Variants in NCKAP5 observed in about 807,000 individuals in gnomAD.
NCKAP5 encodes NCK associated protein 5.
Under a neutral mutation model 167.0 loss-of-function variants are expected in NCKAP5, and 92 were observed. The observed-to-expected ratio is 0.55, with a 90% CI of 0.47 to 0.66. The LOEUF is 0.66. Among genes scored for constraint, NCKAP5 ranks in the 30% least tolerant of loss-of-function variants. The probability of loss-of-function intolerance (pLI) is 0.00; values close to 1 mark genes in which losing one functional copy is unlikely to be tolerated. For synonymous variants in NCKAP5, 891 were observed against 877.4 expected, an observed-to-expected ratio of 1.02 and a Z score of -0.27; for missense variants, 2,378 against 2,315.0, an observed-to-expected ratio of 1.03 and a Z score of -0.56.
intron 12 of NCKAP5, among the ~76,000 whole-genome samples, chr2:132,791,950 G>T (rs113457913): frequency 6.6e-6 from 1 of 152,122 alleles, no homozygotes; most frequent in African/African-American, 2.4e-5. Context: ...AGATGTTGGG[G>T]TAAGATGACA....
chr2:132,900,757 T>C (rs1199523295), intron 8 of NCKAP5, among the ~76,000 whole-genome samples: 2 of 151,888 alleles, frequency 1.3e-5, no homozygotes, highest in Non-Finnish European at 1.5e-5. Flanking sequence ...GAACACCAGA[T>C]TGAGACCAGC....
chr2:133,378,091 G>T (rs1345211669), intron 3 of NCKAP5, among the ~76,000 whole-genome samples: 5 of 152,176 alleles, frequency 3.3e-5, no homozygotes, highest in Non-Finnish European at 5.9e-5. Context: ...GCTGATGTCT[G>T]TATATATTAG....
chr2:133,578,553 C>T, the NCKAP5 span, among the ~76,000 whole-genome samples: 11 of 152,152 alleles, frequency 7.2e-5, no homozygotes, highest in South Asian at 1.0e-3. Context: ...GGAGCATAAA[C>T]GCCAAGAAAT....
intron 6 of NCKAP5, among the ~76,000 whole-genome samples, chr2:133,006,772 G>C (rs1378232361): frequency 6.6e-6 from 1 of 152,112 alleles, no homozygotes; most frequent in Non-Finnish European, 1.5e-5. Context: ...TAAAAGAAAG[G>C]CAAGAAAATC....
chr2:133,308,079 A>ATTTTT (rs60111877), intron 3 of NCKAP5, among the ~76,000 whole-genome samples: 2 of 89,396 alleles, frequency 2.2e-5, no homozygotes, highest in African/African-American at 4.5e-5. Context: ...TTATTGTTCT[A>ATTTTT]TTTTTTTTTT....
intron 3 of NCKAP5, among the ~76,000 whole-genome samples, chr2:133,481,137 G>A (rs1680390052): frequency 6.6e-6 from 1 of 152,096 alleles, no homozygotes; most frequent in Non-Finnish European, 1.5e-5. Flanking sequence ...TGCTTTGGAT[G>A]GCAAGAAATT....
intron 11 of NCKAP5, among the ~76,000 whole-genome samples, chr2:132,803,154 T>C (rs1685166155): frequency 6.6e-6 from 1 of 152,222 alleles, no homozygotes; most frequent in South Asian, 2.1e-4. Context: ...GCATTCAGCC[T>C]TCCTGCTGAT....
chr2:133,641,904 A>G, the NCKAP5 span, among the ~76,000 whole-genome samples: 1 of 152,144 alleles, frequency 6.6e-6, no homozygotes, highest in Non-Finnish European at 1.5e-5. Context: ...TGATCAATAT[A>G]TCTACCCTGG....
intron 3 of NCKAP5, among the ~76,000 whole-genome samples, chr2:133,475,817 A>G (rs1239357135): frequency 6.6e-6 from 1 of 152,232 alleles, no homozygotes; most frequent in Non-Finnish European, 1.5e-5. Flanking sequence ...GACAGTGACT[A>G]AAGGCATCAA....
intron 8 of NCKAP5, among the ~76,000 whole-genome samples, chr2:132,959,532 C>T (rs1222198328): frequency 6.6e-6 from 1 of 151,990 alleles, no homozygotes; most frequent in African/African-American, 2.4e-5. Context: ...GCAGTTGGTC[C>T]CTGAGTGGAG....
At chr2:133,012,382 G>A (rs2078190015) in intron 6 of NCKAP5, among the ~76,000 whole-genome samples, 1 of 152,100 alleles carries the variant, frequency 6.6e-6, no homozygotes, top group South Asian at 2.1e-4. Flanking sequence ...CTAGCAGCTG[G>A]GACTACAGGT....
intron 3 of NCKAP5, among the ~76,000 whole-genome samples, chr2:133,458,522 C>T (rs1480776651): frequency 1.3e-5 from 2 of 152,046 alleles, no homozygotes; most frequent in African/African-American, 4.8e-5. Flanking sequence ...TGGAGTGAGA[C>T]ATTATTTCCT....
At chr2:133,152,375 A>G (rs2149892226) in intron 5 of NCKAP5, among the ~76,000 whole-genome samples, 1 of 152,164 alleles carries the variant, frequency 6.6e-6, no homozygotes, top group Non-Finnish European at 1.5e-5. Context: ...TTTGTTGAAG[A>G]TTTTATGTAA....
intron 4 of NCKAP5, among the ~76,000 whole-genome samples, chr2:133,266,680 C>G (rs911097586): frequency 6.6e-6 from 1 of 152,162 alleles, no homozygotes; most frequent in Non-Finnish European, 1.5e-5. Flanking sequence ...CTGGGCCACG[C>G]GCTCACCGCA....
At chr2:132,952,452 C>G (rs765137959) in intron 8 of NCKAP5, among the ~76,000 whole-genome samples, 11 of 151,960 alleles carry the variant, frequency 7.2e-5, no homozygotes, top group Admixed American at 5.9e-4. Flanking sequence ...AGTCACAGAC[C>G]CCCCCCACTC....
intron 3 of NCKAP5, among the ~76,000 whole-genome samples, chr2:133,409,027 C>T (rs1688616739): frequency 6.6e-6 from 1 of 152,180 alleles, no homozygotes; most frequent in Non-Finnish European, 1.5e-5. Context: ...GGGTTGTTAC[C>T]ACAGTAAAAG....
At chr2:133,181,361 A>G (rs973339934) in intron 5 of NCKAP5, among the ~76,000 whole-genome samples, 2 of 152,086 alleles carry the variant, frequency 1.3e-5, no homozygotes, top group African/African-American at 4.8e-5. Context: ...ACATCAAAAC[A>G]GAATCCTAAA....
At chr2:132,894,218 C>CGGCA (rs995001647) in intron 8 of NCKAP5, among the ~76,000 whole-genome samples, 4 of 152,160 alleles carry the variant, frequency 2.6e-5, no homozygotes, top group African/African-American at 9.7e-5. Flanking sequence ...AATAAAACAG[C>CGGCA]GGCACTGAGG....
At chr2:132,700,019 A>T (rs569162017) in intron 19 of NCKAP5, among the ~76,000 whole-genome samples, 1 of 152,292 alleles carries the variant, frequency 6.6e-6, no homozygotes, top group South Asian at 2.1e-4. Flanking sequence ...AATGATCGCC[A>T]TTCTAACTGG....
Sources: gnomAD v4.1 joint callset for allele counts (sites outside exome capture counted in the v4.1 genomes callset) on GRCh38, gnomAD v4.1.1 for gene constraint, MANE v1.5 for transcripts, NCBI Gene and HGNC (gene_info 2026-07-23, HGNC 2026-07-21) for gene names.